PREP: variants seen among roughly 807,000 people sequenced by gnomAD.
PREP encodes dJ355L5.1 (prolyl endopeptidase).
A neutral mutation model predicts 87.6 loss-of-function variants in PREP; 29 were observed. That is an observed-to-expected ratio of 0.33 (90% confidence interval 0.25 to 0.45). The LOEUF (loss-of-function observed/expected upper bound fraction) is 0.45. Ranked by LOEUF, PREP falls within the 20% of genes least tolerant of loss-of-function variation. PREP has a pLI of 1.00. For synonymous variants in PREP, 337 were observed against 328.6 expected (o/e 1.03, Z -0.28); for missense variants, 695 against 886.5 (o/e 0.78, Z 2.74).
intron 10 of PREP, among the ~76,000 whole-genome samples, chr6:105,291,435 T>C (rs1327475012): frequency 6.6e-5 from 10 of 152,174 alleles, no homozygotes; most frequent in Non-Finnish European, 5.9e-5. Context: ...CCAAAAGACA[T>C]TAACATTTGA....
chr6:105,313,316 G>A (rs76041315), intron 10 of PREP, among the ~76,000 whole-genome samples: 11,018 of 152,276 alleles, frequency 0.072, 443 homozygotes, highest in South Asian at 0.12. Flanking sequence ...AGCAAGTGGA[G>A]GGGAGGGGAG....
At chr6:105,389,646 G>A (rs1056985056) in intron 2 of PREP, among the ~76,000 whole-genome samples, 4 of 152,064 alleles carry the variant, frequency 2.6e-5, no homozygotes, top group African/African-American at 9.7e-5. Context: ...CAATTTCCTG[G>A]GAGCAAGCTT....
intron 8 of PREP, among the ~76,000 whole-genome samples, chr6:105,331,614 G>A (rs1562203162): frequency 6.6e-6 from 1 of 152,156 alleles, no homozygotes; most frequent in Admixed American, 6.5e-5. Flanking sequence ...CATGCAGGAA[G>A]CCCTCACTAA....
intron 1 of PREP, among the ~76,000 whole-genome samples, chr6:105,398,732 C>T (rs899901440): frequency 2.6e-5 from 4 of 152,058 alleles, no homozygotes; most frequent in Admixed American, 6.6e-5. Flanking sequence ...CAGTTTTCAC[C>T]ACTCCTCAAG....
At chr6:105,352,738 C>T (rs6909699) in intron 7 of PREP, among the ~76,000 whole-genome samples, 2,463 of 152,276 alleles carry the variant, frequency 0.016, 58 homozygotes, top group East Asian at 0.063. Context: ...GATATTTTCA[C>T]ACTATGTGCA....
At chr6:105,304,047 C>T (rs945641083) in intron 10 of PREP, among the ~76,000 whole-genome samples, 1 of 152,200 alleles carries the variant, frequency 6.6e-6, no homozygotes, top group Non-Finnish European at 1.5e-5. Context: ...GAGGTCTATA[C>T]AGTTGGCTCT....
chr6:105,401,964 C>T (rs1437107626), intron 1 of PREP, among the ~76,000 whole-genome samples: 1 of 152,162 alleles, frequency 6.6e-6, no homozygotes, highest in South Asian at 2.1e-4. Flanking sequence ...AAGAGAATCA[C>T]GGCCACAACA....
At chr6:105,370,495 C>T (rs1355243985) in intron 5 of PREP, among the ~76,000 whole-genome samples, 1 of 151,998 alleles carries the variant, frequency 6.6e-6, no homozygotes, top group Non-Finnish European at 1.5e-5. Flanking sequence ...TGAACAGACT[C>T]TTAACCACAT....
chr6:105,366,388 G>A (rs1401607299), intron 6 of PREP, among the ~76,000 whole-genome samples: 1 of 152,192 alleles, frequency 6.6e-6, no homozygotes. Flanking sequence ...GACCCAGCAG[G>A]CAGTTCCAGC....
In PREP at chr6:105,368,913, C is replaced by T; in HGVS notation, c.707G>A (p.Gly236Asp). The T allele has an allele frequency of 1.2e-6, 2 of 1,614,010 alleles. No individual in the cohort carries two copies. The highest frequency in any genetic ancestry group is 1.7e-6 in the Non-Finnish European group (2 of 1,179,938). The change falls in exon 6 of 15, where the codon GGT becomes GAT. Residue 236 changes from glycine (G) to aspartate (D), a missense_variant. This residue lies in a region of PREP where 517 missense variants were observed against 620.3 expected (regional missense o/e 0.83). Coordinates refer to ENST00000652536, the MANE Select transcript of PREP (RefSeq NM_002726.5). ...ACAGCTGTACAATACCTCAGCTCCA[C>T]CCATCCATTTAGGTTCATCAGGAAA... Reference protein sequence around the residue: ...AEFPDEPKWMGGAELSDDGRY... With the variant: ...AEFPDEPKWMDGAELSDDGRY...
intron 2 of PREP, among the ~76,000 whole-genome samples, chr6:105,381,866 G>A (rs1772848156): frequency 6.6e-6 from 1 of 152,114 alleles, no homozygotes; most frequent in Non-Finnish European, 1.5e-5. Context: ...TACAAGGGTA[G>A]CTGTCATGTG....
chr6:105,316,959 A>ATT (rs767753839), intron 10 of PREP, among the ~76,000 whole-genome samples: 4 of 139,626 alleles, frequency 2.9e-5, no homozygotes, highest in Non-Finnish European at 3.1e-5. Context: ...AGTCTAATTA[A>ATT]TTTTTTTTTT....
intron 6 of PREP, 103 bp downstream of exon 6, chr6:105,368,800 T>C (rs1046715331): frequency 1.3e-5 from 18 of 1,357,354 alleles, no homozygotes; most frequent in Non-Finnish European, 1.8e-5. Context: ...TATTCACTCA[T>C]GGGACTTCTG....
intron 7 of PREP, among the ~76,000 whole-genome samples, chr6:105,341,588 A>C (rs1022879522): frequency 6.6e-6 from 1 of 152,238 alleles, no homozygotes; most frequent in African/African-American, 2.4e-5. Context: ...AAAAAAATCA[A>C]TGAATCCAGG....
At chr6:105,325,965 G>C (rs1185418777) in intron 9 of PREP, among the ~76,000 whole-genome samples, 1 of 152,158 alleles carries the variant, frequency 6.6e-6, no homozygotes, top group Non-Finnish European at 1.5e-5. Flanking sequence ...TAAATGTAAG[G>C]AGAAGTAGGA....
At chr6:105,298,421 A>G (rs1770458375) in intron 10 of PREP, 1 of 153,430 alleles carries the variant, frequency 6.5e-6, no homozygotes. Context: ...AGACAGTGCA[A>G]GAGAAGAACT....
chr6:105,402,634 C>T lies in PREP; in HGVS notation c.45+213G>A, dbSNP rs118127019. ...GCCGGGCGGCGCTGCCCACAGGCTC[C>T]GCCGCCAGCACTAGCAGAGTGACCG... On this transcript the variant is annotated intron_variant, in intron 1 of 14. Transcript: ENST00000652536. 5.2e-3 allele frequency among the ~76,000 whole-genome samples: 790 copies of T among 152,228 alleles called. 23 individuals carry two copies. In the East Asian group the frequency reaches 0.12, roughly 23 times the overall value.
chr6:105,376,101 C>G, intron 4 of PREP, 24 bp downstream of exon 4: 1 of 1,603,500 alleles, frequency 6.2e-7, no homozygotes, highest in African/African-American at 1.3e-5. Context: ...AGGAGTTCCA[C>G]GGGCCTCTCT....
At position 105,360,923 on chromosome 6, in the gene PREP, C is replaced by T. The variant is rs182664390; in HGVS notation, c.718-7846G>A. Among the ~76,000 whole-genome samples the T allele has an allele frequency of 4.6e-5, 7 of 151,446 alleles. No individual in the cohort carries two copies. The East Asian group carries it at 7.7e-4, about 17-fold the overall frequency. On this transcript the variant is annotated intron_variant, in intron 6 of 14. Coordinates refer to ENST00000652536, the MANE Select transcript of PREP (RefSeq NM_002726.5). The stretch of plus-strand genomic sequence containing the variant: ...GCTCTACCACTGGGTCATTTGAAGG[C>T]TTTACACACACACATACATATGTAC...
Sources: gnomAD v4.1 joint callset for allele counts (sites outside exome capture counted in the v4.1 genomes callset) on GRCh38, gnomAD v4.1.1 for gene constraint, gnomAD v4.1.1 regional missense constraint, MANE v1.5 for transcripts, NCBI Gene and HGNC (gene_info 2026-07-23, HGNC 2026-07-21) for gene names.